Variants in RSRC1 observed in about 807,000 individuals in gnomAD.
RSRC1 encodes arginine and serine rich coiled-coil 1.
RSRC1 carries 39 observed loss-of-function variants against 49.1 expected under a neutral mutation model. That is an observed-to-expected ratio of 0.79 (90% CI 0.61 to 1.04). The LOEUF (loss-of-function observed/expected upper bound fraction) is 1.04. Among genes scored for constraint, RSRC1 ranks in the 50% least tolerant of loss-of-function variants. RSRC1 has a pLI of 0.00. For synonymous variants in RSRC1, 143 were observed against 130.8 expected (o/e 1.09, Z -0.63); for missense variants, 388 against 402.4 (o/e 0.96, Z 0.31).
At chr3:158,422,238 A>G (rs1300938226) in intron 6 of RSRC1, among the ~76,000 whole-genome samples, 42 of 91,928 alleles carry the variant, frequency 4.6e-4, no homozygotes, top group African/African-American at 1.7e-3. Context: ...CCCCCACCCC[A>G]CAACAGTCAC....
At chr3:158,309,278 C>G (rs1728005137) in intron 5 of RSRC1, among the ~76,000 whole-genome samples, 1 of 151,688 alleles carries the variant, frequency 6.6e-6, no homozygotes, top group African/African-American at 2.4e-5. Context: ...ATTTCATATT[C>G]TGTTTTGTGC....
chr3:158,242,058 T>TTC (rs1553773677), intron 4 of RSRC1, among the ~76,000 whole-genome samples: 1 of 140,316 alleles, frequency 7.1e-6, no homozygotes, highest in Non-Finnish European at 1.5e-5. Context: ...TTTTTTTTTT[T>TTC]AGTTTAGGGG....
chr3:158,423,558 G>A (rs902461168), intron 6 of RSRC1, among the ~76,000 whole-genome samples: 37 of 152,044 alleles, frequency 2.4e-4, no homozygotes, highest in African/African-American at 8.7e-4. Flanking sequence ...TTGGCGATGC[G>A]GGCTCTTTTT....
At chr3:158,413,377 A>G (rs1279287007) in intron 6 of RSRC1, among the ~76,000 whole-genome samples, 1 of 152,186 alleles carries the variant, frequency 6.6e-6, no homozygotes, top group Non-Finnish European at 1.5e-5. Context: ...ACCCAAAACT[A>G]TAAAAACCCT....
At chr3:158,430,425 G>T (rs934990396) in intron 6 of RSRC1, among the ~76,000 whole-genome samples, 1 of 151,738 alleles carries the variant, frequency 6.6e-6, no homozygotes, top group Non-Finnish European at 1.5e-5. Flanking sequence ...AAAGTTAGCT[G>T]CTCTCTGGCT....
intron 4 of RSRC1, among the ~76,000 whole-genome samples, chr3:158,218,727 AAAGGGGAGGCT>A (rs1460715286): frequency 6.6e-6 from 1 of 151,564 alleles, no homozygotes; most frequent in Non-Finnish European, 1.5e-5. Flanking sequence ...AGAAACCTAT[AAAGGGGAGGCT>A]GCAGTAACCC....
chr3:158,238,124 C>A lies in RSRC1; in HGVS notation c.494+34879C>A, dbSNP rs569372348. 2.0e-5 allele frequency among the ~76,000 whole-genome samples: 3 copies of A among 152,244 alleles called. No homozygotes were observed. The East Asian group carries it at 5.8e-4, about 29-fold the overall frequency. On this transcript the variant is annotated intron_variant, in intron 4 of 9. Transcript: ENST00000611884. ...AGTGAACTCCCATTCACAATTGCTG[C>A]AAAGAGAGTAAAATACCCAGGAATC...
intron 6 of RSRC1, among the ~76,000 whole-genome samples, chr3:158,450,542 G>A (rs1011164755): frequency 1.3e-5 from 2 of 151,806 alleles, no homozygotes; most frequent in African/African-American, 4.8e-5. Context: ...GTATAAATTG[G>A]TGAGGAATAA....
rs1227686433 is a variant in RSRC1 at position 158,541,040 on chromosome 3, G to GCAC, written c.760-2294_760-2293insACC. ...GATACCCATGCAGAGTGGTGATGTGGCTGTGTTAAGGAAGAAATACCCCAA... is the reference window on the plus strand; with the variant it reads ...GATACCCATGCAGAGTGGTGATGTGGCACCTGTGTTAAGGAAGAAATACCCCAA... On this transcript the variant is annotated intron_variant, in intron 8 of 9. Coordinates refer to ENST00000611884, the MANE Select transcript of RSRC1 (RefSeq NM_001271838.2). 2.0e-5 allele frequency among the ~76,000 whole-genome samples: 3 copies of GCAC among 152,296 alleles called. No homozygotes were observed. In the East Asian group the frequency reaches 5.8e-4, roughly 29 times the overall value.
chr3:158,522,421 C>G (rs1455796519), intron 7 of RSRC1, among the ~76,000 whole-genome samples: 2 of 152,042 alleles, frequency 1.3e-5, no homozygotes, highest in African/African-American at 4.8e-5. Context: ...ATTCTTCCAC[C>G]ACAGCCTTCC....
intron 6 of RSRC1, among the ~76,000 whole-genome samples, chr3:158,418,864 G>A (rs931760503): frequency 2.6e-5 from 4 of 151,940 alleles, no homozygotes; most frequent in South Asian, 4.1e-4. Context: ...AGAAGTGACC[G>A]AGATTAATCT....
At chr3:158,229,925 A>G (rs1026195747) in intron 4 of RSRC1, among the ~76,000 whole-genome samples, 2 of 152,016 alleles carry the variant, frequency 1.3e-5, no homozygotes, top group African/African-American at 2.4e-5. Context: ...CATTTGTACA[A>G]TATGATTTTC....
intron 3 of RSRC1, among the ~76,000 whole-genome samples, chr3:158,192,517 T>C (rs987508098): frequency 5.9e-5 from 9 of 151,998 alleles, no homozygotes; most frequent in Non-Finnish European, 1.3e-4. Context: ...AAGTAGAAGA[T>C]TGGGAAATAA....
chr3:158,388,723 C>T (rs1733102100), intron 6 of RSRC1, among the ~76,000 whole-genome samples: 1 of 151,952 alleles, frequency 6.6e-6, no homozygotes, highest in Non-Finnish European at 1.5e-5. Context: ...CATTCTCCTG[C>T]CGCAGCCTCC....
At chr3:158,228,592 A>C (rs1183276413) in intron 4 of RSRC1, among the ~76,000 whole-genome samples, 2 of 151,972 alleles carry the variant, frequency 1.3e-5, no homozygotes, top group Non-Finnish European at 2.9e-5. Context: ...TTCCTTAAAA[A>C]AAATTGAGGC....
rs572421542 is a variant in RSRC1, at chr3:158,517,102, C to T, written c.653-19990C>T. Among the ~76,000 whole-genome samples, 22 of 152,346 alleles carry T rather than the reference C, an allele frequency of 1.4e-4. No individual in the cohort carries two copies. The East Asian group carries it at 3.5e-3, about 24-fold the overall frequency. On this transcript the variant is annotated intron_variant, in intron 7 of 9. Transcript: ENST00000611884. ...GCCATAGACCAGAGCTGTTCCTATT[C>T]GGCCATCTTGGCTCCTCCCTCCATT...
chr3:158,227,749 A>G (rs537315286), intron 4 of RSRC1, among the ~76,000 whole-genome samples: 1 of 152,218 alleles, frequency 6.6e-6, no homozygotes, highest in African/African-American at 2.4e-5. Context: ...AAAAGTCCAG[A>G]TAGTAAATAT....
intron 5 of RSRC1, among the ~76,000 whole-genome samples, chr3:158,335,297 CG>C (rs1263078087): frequency 2.6e-5 from 4 of 151,948 alleles, no homozygotes; most frequent in Non-Finnish European, 5.9e-5. Context: ...TAAGAATGAC[CG>C]GACACAAAGG....
chr3:158,380,646 G>T (rs759122464), intron 6 of RSRC1, among the ~76,000 whole-genome samples: 7 of 151,736 alleles, frequency 4.6e-5, no homozygotes. Context: ...TATTTTATAT[G>T]AGTTTGGTAT....
Sources: allele counts gnomAD v4.1 joint callset (sites outside exome capture counted in the v4.1 genomes callset), GRCh38; gene constraint gnomAD v4.1.1; transcripts MANE v1.5; gene names NCBI Gene and HGNC (gene_info 2026-07-23, HGNC 2026-07-21).